The following MRPS31 variants were observed in gnomAD, a reference collection of about 807,000 sequenced individuals.
MRPS31 encodes mitochondrial ribosomal protein S31, also known as small ribosomal subunit protein mS31.
Under a neutral mutation model 43.1 loss-of-function variants are expected in MRPS31, and 32 were observed. The ratio of observed to expected loss-of-function variants is 0.74; its 90% CI spans 0.56 to 1.00. The LOEUF (loss-of-function observed/expected upper bound fraction) is 1.00, where lower values mean the gene tolerates loss of function less well. Ranked by LOEUF, MRPS31 falls within the 50% of genes least tolerant of loss-of-function variation. The probability of loss-of-function intolerance (pLI) is 0.00; values close to 1 mark genes in which losing one functional copy is unlikely to be tolerated. For missense variants in MRPS31, 437 were observed against 466.7 expected (o/e 0.94, Z 0.59); for synonymous variants, 165 against 161.6 (o/e 1.02, Z -0.16).
At chr13:40,770,739 G>A (rs989718603) in intron 1 of MRPS31, 1 of 477,090 alleles carries the variant, frequency 2.1e-6, no homozygotes, top group Non-Finnish European at 3.8e-6. Flanking sequence ...AAAAACCTGG[G>A]TAAACTGACA....
intron 6 of MRPS31, among the ~76,000 whole-genome samples, chr13:40,743,611 C>T (rs1390946369): frequency 6.6e-6 from 1 of 152,178 alleles, no homozygotes; most frequent in East Asian, 1.9e-4. Context: ...TGCTCATTAT[C>T]ACGGATCATC....
rs61438297 is a variant in MRPS31, at chr13:40,757,330, C to T, written c.600-317G>A. Among the ~76,000 whole-genome samples, 902 of 152,072 alleles carry T rather than the reference C, an allele frequency of 5.9e-3. 8 individuals are homozygous for T. Among genetic ancestry groups the T allele is most frequent in the African/African-American group, 0.021 (867 of 41,472 alleles). ...ATCTGTTATACCTATCACCTACATC[C>T]AATAACTAAATTAAAACCAAGAGTT... On this transcript the variant is annotated intron_variant, in intron 3 of 6. Transcript: ENST00000323563.
intron 5 of MRPS31, among the ~76,000 whole-genome samples, chr13:40,750,965 C>G (rs1178303645): frequency 6.6e-6 from 1 of 151,992 alleles, no homozygotes; most frequent in Non-Finnish European, 1.5e-5. Context: ...TATCCTCCAG[C>G]TTACCTCTTT....
intron 2 of MRPS31, among the ~76,000 whole-genome samples, chr13:40,763,961 G>C (rs1880772699): frequency 6.6e-6 from 1 of 152,140 alleles, no homozygotes; most frequent in Non-Finnish European, 1.5e-5. Flanking sequence ...ACTGGAAAAG[G>C]GCCCTCAGAC....
At chr13:40,764,716 A>G (rs558088923) in intron 2 of MRPS31, among the ~76,000 whole-genome samples, 1 of 152,380 alleles carries the variant, frequency 6.6e-6, no homozygotes, top group South Asian at 2.1e-4. Context: ...ATAAGGTCTC[A>G]GCTGACAGCC....
At chr13:40,732,367 G>A (rs1229231354) in intron 6 of MRPS31, among the ~76,000 whole-genome samples, 1 of 152,224 alleles carries the variant, frequency 6.6e-6, no homozygotes, top group Non-Finnish European at 1.5e-5. Context: ...TAGCGTAAGT[G>A]ACAGACACCT....
chr13:40,737,140 T>G (rs1261239750), intron 6 of MRPS31, among the ~76,000 whole-genome samples: 1 of 130,796 alleles, frequency 7.6e-6, no homozygotes. Flanking sequence ...TCCTAGTCTC[T>G]GATAAAACAG....
intron 6 of MRPS31, among the ~76,000 whole-genome samples, chr13:40,738,184 C>T (rs1403277470): frequency 1.3e-5 from 2 of 151,288 alleles, no homozygotes; most frequent in African/African-American, 4.8e-5. Flanking sequence ...ACTAGAAAAT[C>T]TAGAAGAAAT....
At chr13:40,770,791 G>A in intron 1 of MRPS31, 194 bp downstream of exon 1, 2 of 637,304 alleles carry the variant, frequency 3.1e-6, no homozygotes, top group Non-Finnish European at 5.3e-6. Context: ...GTGTAGTAGA[G>A]CACAGCGACC....
chr13:40,740,190 C>A (rs1298661689), intron 6 of MRPS31, among the ~76,000 whole-genome samples: 1 of 141,490 alleles, frequency 7.1e-6, no homozygotes, highest in Non-Finnish European at 1.5e-5. Flanking sequence ...AAAAAATGCT[C>A]ACCATCACTG....
intron 2 of MRPS31, among the ~76,000 whole-genome samples, chr13:40,762,138 C>T (rs1181065166): frequency 6.6e-6 from 1 of 151,532 alleles, no homozygotes; most frequent in Admixed American, 6.6e-5. Context: ...CCTAGCTACT[C>T]GGGAGGCTGC....
rs1880888959 is a variant in MRPS31 at position 40,767,661 on chromosome 13, G to T, written c.153-628C>A. ...TGGGGTGGCCAGGGGAGGTCTGGGG[G>T]TGCTGGTGCTCCCAAGTCTGTTCCC... On this transcript the variant is annotated intron_variant, in intron 1 of 6. Transcript: ENST00000323563. Among the ~76,000 whole-genome samples the T allele has an allele frequency of 2.6e-5, 4 of 152,180 alleles. No individual in the cohort carries two copies. The South Asian group carries it at 8.3e-4, about 32-fold the overall frequency.
In MRPS31 at chr13:40,729,474, T is replaced by A. The variant is rs770219160; in HGVS notation, c.1086A>T (p.Pro362=). The change falls in exon 7 of 7, where the codon CCA becomes CCT. Residue 362 remains proline (P), a synonymous_variant. Transcript: ENST00000323563. The stretch of plus-strand genomic sequence containing the variant: ...CAACCTTCTGTTTAACACTAAGATA[T>A]GGGTTTTTGGAAAGGCCACAAGTCA... ...ELVTCGLSKN[P]YLSVKQKVEH... The A allele has an allele frequency of 1.9e-6, 3 of 1,612,786 alleles. No homozygotes were observed. Among genetic ancestry groups the A allele is most frequent in the African/African-American group, 2.7e-5 (2 of 74,904 alleles).
At chr13:40,770,830 G>T in intron 1 of MRPS31, 155 bp downstream of exon 1, 1 of 927,402 alleles carries the variant, frequency 1.1e-6, no homozygotes, top group Non-Finnish European at 1.6e-6. Flanking sequence ...CTGTTTTCAC[G>T]CACACTATGA....
At chr13:40,750,742 TTATATATATATA>T (rs66521234) in intron 5 of MRPS31, among the ~76,000 whole-genome samples, 301 of 130,844 alleles carry the variant, frequency 2.3e-3, no homozygotes, top group African/African-American at 8.1e-3. Context: ...GTATCCCATT[TTATATATATATA>T]TATATATATA....
At chr13:40,766,181 T>C (rs1023397367) in intron 2 of MRPS31, among the ~76,000 whole-genome samples, 1 of 152,374 alleles carries the variant, frequency 6.6e-6, no homozygotes, top group South Asian at 2.1e-4. Context: ...TATGTAAGTG[T>C]GTGAAATTCT....
intron 6 of MRPS31, among the ~76,000 whole-genome samples, chr13:40,736,356 T>C (rs943616176): frequency 9.2e-5 from 14 of 151,756 alleles, no homozygotes; most frequent in South Asian, 8.3e-4. Flanking sequence ...GAAAACACTC[T>C]GCAGGATATT....
chr13:40,730,614 G>A (rs1293043080), intron 6 of MRPS31, among the ~76,000 whole-genome samples: 2 of 152,146 alleles, frequency 1.3e-5, no homozygotes, highest in Non-Finnish European at 2.9e-5. Context: ...AGGCTGGAGT[G>A]CAATGGTGCA....
At chr13:40,751,044 G>C (rs1638667996) in intron 5 of MRPS31, among the ~76,000 whole-genome samples, 1 of 151,806 alleles carries the variant, frequency 6.6e-6, no homozygotes, top group South Asian at 2.1e-4. Flanking sequence ...ACCTGGGTAA[G>C]CCTTATTTTA....
Sources: gnomAD v4.1 joint callset for allele counts (sites outside exome capture counted in the v4.1 genomes callset) on GRCh38, gnomAD v4.1.1 for gene constraint, MANE v1.5 for transcripts, NCBI Gene and HGNC (gene_info 2026-07-23, HGNC 2026-07-21) for gene names.